Variants in CD2AP observed in about 807,000 individuals in gnomAD.
CD2AP encodes the protein CD2 associated protein.
In CD2AP, 46 loss-of-function variants were observed where a neutral mutation model predicts 85.1. That is an observed-to-expected ratio of 0.54 (90% CI 0.43 to 0.69). CD2AP has a LOEUF of 0.69. CD2AP is among the 30% of genes least tolerant of loss of function. The pLI is 0.00. For missense variants in CD2AP, 769 were observed against 729.5 expected, an observed-to-expected ratio of 1.05 and a Z score of -0.62; for synonymous variants, 255 against 252.9, an observed-to-expected ratio of 1.01 and a Z score of -0.08.
rs2114154099 is a variant in CD2AP, at chr6:47,612,448, A to C, written c.1815-25A>C. ...ATAAATTATTTAATCGAAAGACTTA[A>C]CAGTAATAAGTACTTTGTTTTTAGG... On this transcript the variant is annotated intron_variant, in intron 16 of 17. Coordinates refer to ENST00000359314, the MANE Select transcript of CD2AP (RefSeq NM_012120.3). 3 of 1,464,016 alleles carry C rather than the reference A, an allele frequency of 2.0e-6. 1 individual carries two copies. The East Asian group carries it at 6.8e-5, about 33-fold the overall frequency. The allele number at this position is 1,464,016 out of a possible 1,614,324, so 90.7% of individuals were successfully genotyped here.
At chr6:47,538,361 C>T (rs1410474088) in intron 3 of CD2AP, among the ~76,000 whole-genome samples, 3 of 152,108 alleles carry the variant, frequency 2.0e-5, no homozygotes, top group African/African-American at 4.8e-5. Context: ...CCTGCCCCAA[C>T]GTCCCAAGTA....
In CD2AP at chr6:47,624,678, T is replaced by G. The variant is rs899622873; in HGVS notation, c.*451T>G. 1 of 126,176 alleles carries G rather than the reference T, an allele frequency of 7.9e-6. No individual in the cohort carries two copies. Among genetic ancestry groups the G allele is most frequent in the Non-Finnish European group, 1.7e-5 (1 of 60,496 alleles). The allele number at this position is 126,176 out of a possible 1,614,324, so 7.8% of individuals were successfully genotyped here. ...TCCATAATGCATAAGGGATATAAAC[T>G]CTGTGTGTGTGTGTGTGTGTGTGTG... On this transcript the variant is annotated 3_prime_UTR_variant, in exon 18 of 18. Transcript: ENST00000359314.
At chr6:47,564,589 G>A (rs1767943532) in intron 5 of CD2AP, among the ~76,000 whole-genome samples, 1 of 151,978 alleles carries the variant, frequency 6.6e-6, no homozygotes, top group African/African-American at 2.4e-5. Context: ...GTGGAGCTTT[G>A]TGATTATGGG....
chr6:47,572,112 G>C (rs897349235), intron 5 of CD2AP, among the ~76,000 whole-genome samples: 1 of 152,096 alleles, frequency 6.6e-6, no homozygotes, highest in Admixed American at 6.5e-5. Flanking sequence ...TTCAGTTATT[G>C]CCTCATGTCT....
intron 5 of CD2AP, chr6:47,562,864 A>G: frequency 1.2e-6 from 1 of 812,784 alleles, no homozygotes; most frequent in Non-Finnish European, 2.1e-6. Context: ...GGTTGATGAC[A>G]ACAAGCAACT....
chr6:47,583,609 T>C (rs1768540003), intron 11 of CD2AP, among the ~76,000 whole-genome samples: 1 of 152,230 alleles, frequency 6.6e-6, no homozygotes, highest in Admixed American at 6.5e-5. Flanking sequence ...GCATATGTTG[T>C]TAGCATCAAA....
intron 1 of CD2AP, among the ~76,000 whole-genome samples, chr6:47,493,552 T>C (rs878942012): frequency 6.6e-6 from 1 of 152,046 alleles, no homozygotes; most frequent in East Asian, 1.9e-4. Flanking sequence ...GTTTTTTTTG[T>C]TTGTATCCTA....
intron 5 of CD2AP, among the ~76,000 whole-genome samples, chr6:47,573,072 C>T (rs1394513604): frequency 6.6e-6 from 1 of 152,082 alleles, no homozygotes; most frequent in East Asian, 1.9e-4. Flanking sequence ...AAAGCTGTAC[C>T]TGTTTTATCC....
At chr6:47,519,073 A>G (rs1766521405) in intron 2 of CD2AP, among the ~76,000 whole-genome samples, 1 of 152,242 alleles carries the variant, frequency 6.6e-6, no homozygotes, top group African/African-American at 2.4e-5. Context: ...CAAGAACACA[A>G]CTGTGAATAA....
intron 3 of CD2AP, among the ~76,000 whole-genome samples, chr6:47,541,379 C>T (rs191879858): frequency 0.016 from 2,377 of 152,304 alleles, 44 homozygotes; most frequent in African/African-American, 0.038. Flanking sequence ...CTGCCTCGGC[C>T]TCCCAAAGTG....
chr6:47,484,491 G>T (rs912175889), intron 1 of CD2AP, among the ~76,000 whole-genome samples: 8 of 151,966 alleles, frequency 5.3e-5, no homozygotes, highest in African/African-American at 1.9e-4. Flanking sequence ...GCACTTAAAG[G>T]TGCTTTTATC....
At chr6:47,507,283 T>C (rs1766198058) in intron 2 of CD2AP, among the ~76,000 whole-genome samples, 2 of 152,198 alleles carry the variant, frequency 1.3e-5, no homozygotes, top group Admixed American at 6.5e-5. Context: ...AGTCATCCTT[T>C]AGTGTTGTGA....
At chr6:47,537,046 A>T (rs1336596451) in intron 3 of CD2AP, among the ~76,000 whole-genome samples, 1 of 152,198 alleles carries the variant, frequency 6.6e-6, no homozygotes, top group Non-Finnish European at 1.5e-5. Flanking sequence ...GTGATTTTTC[A>T]TGTAGTTAAT....
chr6:47,509,972 G>C (rs772670792), intron 2 of CD2AP, among the ~76,000 whole-genome samples: 2 of 152,060 alleles, frequency 1.3e-5, no homozygotes, highest in African/African-American at 4.8e-5. Context: ...CTACTATTAG[G>C]AATGATTTAT....
intron 1 of CD2AP, among the ~76,000 whole-genome samples, chr6:47,497,503 C>G (rs1025145263): frequency 1.3e-5 from 2 of 152,054 alleles, no homozygotes; most frequent in South Asian, 2.1e-4. Flanking sequence ...AAGCCATTCT[C>G]TCACTCAAGC....
At chr6:47,589,565 C>T (rs6149564) in intron 11 of CD2AP, among the ~76,000 whole-genome samples, 1,246 of 120,988 alleles carry the variant, frequency 0.01, 28 homozygotes, top group African/African-American at 0.034. Flanking sequence ...CACACACACA[C>T]ATATATATAT....
At chr6:47,623,969 T>C (rs1190437543) in intron 17 of CD2AP, among the ~76,000 whole-genome samples, 12 of 152,152 alleles carry the variant, frequency 7.9e-5, no homozygotes, top group Non-Finnish European at 4.4e-5. Context: ...CTGAAAGGGC[T>C]ATAATTGCTT....
intron 5 of CD2AP, 29 bp downstream of exon 5, chr6:47,554,795 ATTTAAAT>A (rs1409325229): frequency 9.0e-6 from 14 of 1,559,704 alleles, no homozygotes; most frequent in Non-Finnish European, 1.1e-5. Flanking sequence ...TTTTTAATTG[ATTTAAAT>A]AAACTTTATA....
chr6:47,554,554 G>T (rs985527960), intron 4 of CD2AP, 92 bp from the exon 5 acceptor site: 2 of 1,275,360 alleles, frequency 1.6e-6, no homozygotes, highest in Non-Finnish European at 2.3e-6. Flanking sequence ...CTAATTTTGT[G>T]CCTGTTTGCT....
Sources: gnomAD v4.1 joint callset for allele counts (sites outside exome capture counted in the v4.1 genomes callset) on GRCh38, gnomAD v4.1.1 for gene constraint, MANE v1.5 for transcripts, NCBI Gene and HGNC (gene_info 2026-07-23, HGNC 2026-07-21) for gene names.